CYRIB: variants seen among roughly 807,000 people sequenced by gnomAD.
CYRIB encodes the protein CYFIP related Rac1 interactor B.
A neutral mutation model predicts 44.2 loss-of-function variants in CYRIB; 8 were observed. The ratio of observed to expected loss-of-function variants is 0.18; its 90% CI spans 0.11 to 0.33. The LOEUF (loss-of-function observed/expected upper bound fraction) is 0.33, where lower values mean the gene tolerates loss of function less well. Among genes scored for constraint, CYRIB ranks in the 10% least tolerant of loss-of-function variants. The pLI, the probability that CYRIB is intolerant of heterozygous loss-of-function variation, is 1.00. For synonymous variants in CYRIB, 131 were observed against 127.2 expected (o/e 1.03, Z -0.20); for missense variants, 185 against 382.8 (o/e 0.48, Z 4.31).
At chr8:129,967,538 C>G (rs2095533893) in intron 2 of CYRIB, among the ~76,000 whole-genome samples, 1 of 152,050 alleles carries the variant, frequency 6.6e-6, no homozygotes. Flanking sequence ...TGCCACCATG[C>G]CCGGCTAATT....
At chr8:129,954,001 G>C in intron 2 of CYRIB, among the ~76,000 whole-genome samples, 1 of 152,144 alleles carries the variant, frequency 6.6e-6, no homozygotes, top group East Asian at 1.9e-4. Flanking sequence ...AAATGGACCA[G>C]TTAAGAAGTG....
At chr8:129,909,558 G>A (rs143336067) in intron 1 of CYRIB, among the ~76,000 whole-genome samples, 29 of 151,802 alleles carry the variant, frequency 1.9e-4, no homozygotes, top group African/African-American at 6.8e-4. Flanking sequence ...TCATCATATG[G>A]TTGTACCACA....
At chr8:129,976,594 T>TGCCC (rs1353775222) in intron 1 of CYRIB, among the ~76,000 whole-genome samples, 1 of 152,208 alleles carries the variant, frequency 6.6e-6, no homozygotes, top group Non-Finnish European at 1.5e-5. Flanking sequence ...AAGGAGGCCT[T>TGCCC]GCTCAGCTCT....
chr8:129,847,085 G>A (rs567701187), intron 10 of CYRIB: 2 of 455,328 alleles, frequency 4.4e-6, no homozygotes, highest in South Asian at 3.1e-5. Context: ...AACAAAATCA[G>A]TCAAACTAAT....
intron 1 of CYRIB, among the ~76,000 whole-genome samples, chr8:129,920,941 T>G (rs1229065878): frequency 6.6e-6 from 1 of 152,152 alleles, no homozygotes; most frequent in African/African-American, 2.4e-5. Flanking sequence ...CCTTGCTTCC[T>G]TGAATTAACA....
At chr8:129,931,872 C>T (rs890801297) in intron 1 of CYRIB, among the ~76,000 whole-genome samples, 4 of 152,062 alleles carry the variant, frequency 2.6e-5, no homozygotes, top group Non-Finnish European at 4.4e-5. Flanking sequence ...AGTGATTTGT[C>T]CACCTCAGCC....
At chr8:129,865,957 C>T (rs1032660082) in intron 4 of CYRIB, among the ~76,000 whole-genome samples, 8 of 152,160 alleles carry the variant, frequency 5.3e-5, no homozygotes, top group South Asian at 2.1e-4. Flanking sequence ...TCAGCCACAT[C>T]GGGGAAAATA....
intron 2 of CYRIB, among the ~76,000 whole-genome samples, chr8:129,887,233 G>A (rs1041995589): frequency 2.6e-5 from 4 of 152,086 alleles, no homozygotes; most frequent in Non-Finnish European, 5.9e-5. Flanking sequence ...CTCCAGCCAC[G>A]GCTAAAACAG....
At chr8:129,882,792 C>T (rs1007616560) in intron 2 of CYRIB, among the ~76,000 whole-genome samples, 1 of 152,130 alleles carries the variant, frequency 6.6e-6, no homozygotes, top group African/African-American at 2.4e-5. Context: ...TCCTCCCCTC[C>T]TCATACTTGG....
At chr8:129,857,609 G>C (rs138169063) in intron 5 of CYRIB, among the ~76,000 whole-genome samples, 2 of 152,120 alleles carry the variant, frequency 1.3e-5, no homozygotes. Flanking sequence ...CAGCAGATTC[G>C]CATTTTAAAA....
chr8:129,936,091 A>G (rs1378092834), intron 1 of CYRIB, among the ~76,000 whole-genome samples: 1 of 152,216 alleles, frequency 6.6e-6, no homozygotes, highest in Non-Finnish European at 1.5e-5. Flanking sequence ...CCTCCTTGGC[A>G]GCTGAAAAAG....
intron 6 of CYRIB, among the ~76,000 whole-genome samples, chr8:129,855,390 CA>C (rs200820053): frequency 3.9e-3 from 400 of 102,192 alleles, no homozygotes; most frequent in Admixed American, 3.5e-3. Context: ...GGCTCTGCCT[CA>C]AAAAAAAAAA....
intron 2 of CYRIB, among the ~76,000 whole-genome samples, chr8:129,968,622 C>T (rs558158421): frequency 5.9e-5 from 9 of 152,266 alleles, no homozygotes; most frequent in East Asian, 1.9e-4. Flanking sequence ...ACTTTGCGTT[C>T]GCAGTAGAGG....
chr8:129,931,269 C>G (rs2091217009), intron 1 of CYRIB, among the ~76,000 whole-genome samples: 2 of 152,090 alleles, frequency 1.3e-5, no homozygotes, highest in South Asian at 4.1e-4. Context: ...TGAAAATGTT[C>G]TTAATTTACA....
At chr8:129,886,462 T>TA (rs1420279126) in intron 2 of CYRIB, among the ~76,000 whole-genome samples, 1 of 152,188 alleles carries the variant, frequency 6.6e-6, no homozygotes, top group Non-Finnish European at 1.5e-5. Flanking sequence ...TCTTAAAACA[T>TA]AAACAGAAAT....
intron 1 of CYRIB, among the ~76,000 whole-genome samples, chr8:130,011,935 C>G (rs2097231768): frequency 1.3e-5 from 2 of 152,084 alleles, no homozygotes; most frequent in Admixed American, 1.3e-4. Flanking sequence ...GATCCCATGT[C>G]CACGTTCAGA....
chr8:129,860,674 A>G (rs946074384), intron 5 of CYRIB, among the ~76,000 whole-genome samples: 1 of 152,164 alleles, frequency 6.6e-6, no homozygotes, highest in Non-Finnish European at 1.5e-5. Context: ...TGGAACTTCA[A>G]CTTCAGAAGT....
chr8:129,862,386 C>T, intron 4 of CYRIB, 52 bp from the exon 7 acceptor site: 1 of 1,306,116 alleles, frequency 7.7e-7, no homozygotes. Context: ...AAAAAAGGTT[C>T]ATTTTTACAT....
intron 11 of CYRIB, among the ~76,000 whole-genome samples, chr8:129,843,192 G>A (rs1475333191): frequency 6.6e-6 from 1 of 152,146 alleles, no homozygotes; most frequent in Non-Finnish European, 1.5e-5. Flanking sequence ...ATAACAAGAA[G>A]AGGCTACATA....
Sources: allele counts gnomAD v4.1 joint callset (sites outside exome capture counted in the v4.1 genomes callset), GRCh38; gene constraint gnomAD v4.1.1; transcripts MANE v1.5; gene names NCBI Gene and HGNC (gene_info 2026-07-23, HGNC 2026-07-21).